COL27A1: variants seen among roughly 807,000 people sequenced by gnomAD.
The protein encoded by COL27A1 is collagen alpha-1(XXVII) chain.
In COL27A1, 106 loss-of-function variants were observed where a neutral mutation model predicts 251.3. The observed-to-expected ratio is 0.42, with a 90% CI of 0.36 to 0.50. The LOEUF is 0.50. Ranked by LOEUF, COL27A1 falls within the 20% of genes least tolerant of loss-of-function variation. The pLI is 0.00. For synonymous variants in COL27A1, 1,000 were observed against 986.3 expected (o/e 1.01, Z -0.26); for missense variants, 2,325 against 2,522.8 (o/e 0.92, Z 1.68).
Position 114,290,924 on chromosome 9 carries a change from T to A in COL27A1, c.4476+7T>A. Reference sequence around the variant, plus strand: ...GGGACCCCCAGGATTCAAGGTCAGATACCTCTTAATACACTTACCCACCCT... The same window carrying A: ...GGGACCCCCAGGATTCAAGGTCAGAAACCTCTTAATACACTTACCCACCCT... On this transcript the variant is annotated splice_region_variant and intron_variant, in intron 48 of 60. Coordinates refer to ENST00000356083, the MANE Select transcript of COL27A1 (RefSeq NM_032888.4). This position sits in a 1 kb window ranked among gnomAD's most constrained non-coding sequence, Gnocchi z 4.6. 1 of 1,541,258 alleles carries A rather than the reference T, an allele frequency of 6.5e-7. No homozygotes were observed. The highest frequency in any genetic ancestry group is 8.8e-7 in the Non-Finnish European group (1 of 1,138,120).
chr9:114,225,662 C>T, intron 14 of COL27A1, among the ~76,000 whole-genome samples: 1 of 152,178 alleles, frequency 6.6e-6, no homozygotes, highest in Non-Finnish European at 1.5e-5. Flanking sequence ...TACGGTTTTC[C>T]AGAGGATGTG....
chr9:114,304,513 G>A, intron 56 of COL27A1, 95 bp from the exon 57 acceptor site: 1 of 1,174,950 alleles, frequency 8.5e-7, no homozygotes, highest in South Asian at 1.2e-5. Flanking sequence ...ACTTGGCCAA[G>A]ATCCTGCCAG....
chr9:114,170,834 C>T (rs1426819424), intron 3 of COL27A1, among the ~76,000 whole-genome samples: 2 of 152,264 alleles, frequency 1.3e-5, no homozygotes, highest in Non-Finnish European at 2.9e-5. Flanking sequence ...CACCAGGTGC[C>T]TTGGGGCCCT....
chr9:114,264,159 G>A (rs945143746), intron 28 of COL27A1, among the ~76,000 whole-genome samples, 196 bp from the exon 29 acceptor site: 12 of 152,216 alleles, frequency 7.9e-5, no homozygotes, highest in Non-Finnish European at 1.2e-4. Flanking sequence ...CTCATGCTGC[G>A]GCCTCTGCAG....
chr9:114,231,025 C>A, intron 14 of COL27A1, 54 bp from the exon 15 acceptor site: 1 of 1,537,892 alleles, frequency 6.5e-7, no homozygotes, highest in Non-Finnish European at 9.0e-7. Context: ...CCACCCAGGC[C>A]AGCCTCCTGT....
At chr9:114,233,499 G>A (rs1300399559) in intron 16 of COL27A1, among the ~76,000 whole-genome samples, 4 of 152,174 alleles carry the variant, frequency 2.6e-5, no homozygotes, top group Non-Finnish European at 5.9e-5. Context: ...CTTTGAAGGG[G>A]CTTTCTGATG....
chr9:114,277,592 G>A (rs1383436174), intron 37 of COL27A1, among the ~76,000 whole-genome samples: 2 of 152,192 alleles, frequency 1.3e-5, no homozygotes, highest in African/African-American at 4.8e-5. Context: ...CTAAACAGCT[G>A]CAACAGAATG....
chr9:114,274,676 TAACA>T (rs904228442), intron 36 of COL27A1, among the ~76,000 whole-genome samples: 1 of 152,192 alleles, frequency 6.6e-6, no homozygotes, highest in Admixed American at 6.5e-5. Context: ...GCAGTAACTA[TAACA>T]AACAAAGATG....
At position 114,183,007 on chromosome 9, in the gene COL27A1, C is replaced by A; in HGVS notation, c.1963-15C>A. On this transcript the variant is annotated splice_polypyrimidine_tract_variant and intron_variant, in intron 4 of 60. Coordinates refer to ENST00000356083, the MANE Select transcript of COL27A1 (RefSeq NM_032888.4). Reference sequence around the variant, plus strand: ...TTTGTCACCTTTTTTTGTTTTTGTTCCTTGTCTCTTTCAGGGTCCTCCTGG... The same window carrying A: ...TTTGTCACCTTTTTTTGTTTTTGTTACTTGTCTCTTTCAGGGTCCTCCTGG... 6.2e-7 allele frequency: 1 copy of A among 1,611,630 alleles called. No individual in the cohort carries two copies. The highest frequency in any genetic ancestry group is 1.1e-5 in the South Asian group (1 of 90,606).
intron 5 of COL27A1, among the ~76,000 whole-genome samples, chr9:114,194,047 C>T (rs904071187): frequency 1.3e-5 from 2 of 152,160 alleles, no homozygotes; most frequent in African/African-American, 4.8e-5. Context: ...CAGTGTGGGA[C>T]ATGGCTGGGG....
intron 25 of COL27A1, among the ~76,000 whole-genome samples, chr9:114,251,701 A>G (rs115216345): frequency 1.3e-5 from 2 of 152,170 alleles, no homozygotes; most frequent in East Asian, 3.9e-4. Context: ...CCCTTAGCCA[A>G]ATGCTTTCTT....
At position 114,302,126 on chromosome 9, in the gene COL27A1, T is replaced by A; in HGVS notation, c.4872+18T>A. On this transcript the variant is annotated intron_variant, in intron 56 of 60. Coordinates refer to ENST00000356083, the MANE Select transcript of COL27A1 (RefSeq NM_032888.4). ...TCCAATTGGTAAGTTGGAAACCTTCTCTTTTGCCTACTTGGGGTAAGGCCT... is the reference window on the plus strand; with the variant it reads ...TCCAATTGGTAAGTTGGAAACCTTCACTTTTGCCTACTTGGGGTAAGGCCT... 1 of 1,606,674 alleles carries A rather than the reference T, an allele frequency of 6.2e-7. No homozygotes were observed.
intron 37 of COL27A1, among the ~76,000 whole-genome samples, chr9:114,280,209 A>ATTTTTT (rs112978442): frequency 2.0e-5 from 3 of 146,914 alleles, no homozygotes; most frequent in Non-Finnish European, 1.5e-5. Context: ...TCAACTTTTA[A>ATTTTTT]TTTTTTTTTT....
intron 5 of COL27A1, among the ~76,000 whole-genome samples, chr9:114,185,876 G>GGCCAA (rs1828304459): frequency 6.6e-6 from 1 of 152,246 alleles, no homozygotes; most frequent in Non-Finnish European, 1.5e-5. Flanking sequence ...AGGTGCTTAT[G>GGCCAA]GCCTTGTGGG....
At position 114,194,402 on chromosome 9, in the gene COL27A1, A is replaced by T; in HGVS notation, c.2017-2A>T. The T allele has an allele frequency of 6.2e-7, 1 of 1,613,324 alleles. No individual in the cohort carries two copies. The highest frequency in any genetic ancestry group is 8.5e-7 in the Non-Finnish European group (1 of 1,179,678). On this transcript the variant is annotated splice_acceptor_variant, in intron 5 of 60. Coordinates refer to ENST00000356083, the MANE Select transcript of COL27A1 (RefSeq NM_032888.4). LOFTEE classifies it high-confidence loss of function. Reference sequence around the variant, plus strand: ...GCCAAAGTGGAATTGTTTTTGTTTCAGGGACAGAAAGGGGACCCAGGGCTC... The same window carrying T: ...GCCAAAGTGGAATTGTTTTTGTTTCTGGGACAGAAAGGGGACCCAGGGCTC...
At position 114,198,672 on chromosome 9, in the gene COL27A1, A is replaced by G. The variant is rs116253386; in HGVS notation, c.2124+2660A>G. Among the ~76,000 whole-genome samples the G allele has an allele frequency of 7.7e-3, 1,167 of 152,194 alleles. 11 individuals are homozygous for G. The highest frequency in any genetic ancestry group is 0.011 in the African/African-American group (460 of 41,464). The stretch of plus-strand genomic sequence containing the variant: ...ATTGAAACAGTTTCTCAAACAAGAC[A>G]GTGTCCATCTGGTAAAAAAAGAGGC... On this transcript the variant is annotated intron_variant, in intron 7 of 60. Transcript: ENST00000356083.
intron 50 of COL27A1, 173 bp from the exon 51 acceptor site, chr9:114,300,452 G>A: frequency 3.5e-6 from 2 of 575,752 alleles, no homozygotes; most frequent in Admixed American, 6.6e-5. Flanking sequence ...CCAACACACT[G>A]CTGGTACCTG....
rs900649929 is a variant in COL27A1 at position 114,280,797 on chromosome 9, G to A, written c.3718-1480G>A. Among the ~76,000 whole-genome samples, 32 of 152,320 alleles carry A rather than the reference G, an allele frequency of 2.1e-4. No homozygotes were observed. In the East Asian group the frequency reaches 4.1e-3, roughly 19 times the overall value. ...GACTGGTGCATCTCTTTGGGATAGC[G>A]TCATCTTTTCTGGCATCATAGTTGA... On this transcript the variant is annotated intron_variant, in intron 37 of 60. Transcript: ENST00000356083.
intron 31 of COL27A1, 29 bp from the exon 32 acceptor site, chr9:114,265,393 C>G: frequency 6.2e-7 from 1 of 1,611,374 alleles, no homozygotes; most frequent in African/African-American, 1.3e-5. Flanking sequence ...CATGGAGGGC[C>G]TAAGGTCACC....
Sources: allele counts gnomAD v4.1 joint callset (sites outside exome capture counted in the v4.1 genomes callset), GRCh38; gene constraint gnomAD v4.1.1; non-coding constraint Gnocchi (gnomAD v3.1); transcripts MANE v1.5; gene names NCBI Gene and HGNC (gene_info 2026-07-23, HGNC 2026-07-21).